The following CCDC102A variants were observed in gnomAD, a reference collection of about 807,000 sequenced individuals.
CCDC102A encodes the protein coiled-coil domain containing 102A, also known as coiled-coil domain-containing protein 102A.
CCDC102A carries 40 observed loss-of-function variants against 55.5 expected under a neutral mutation model. The ratio of observed to expected loss-of-function variants is 0.72; its 90% CI spans 0.56 to 0.94. The LOEUF (loss-of-function observed/expected upper bound fraction) is 0.94. Among genes scored for constraint, CCDC102A ranks in the 40% least tolerant of loss-of-function variants. The pLI is 0.00. For synonymous variants in CCDC102A, 323 were observed against 339.0 expected, an observed-to-expected ratio of 0.95 and a Z score of 0.52; for missense variants, 779 against 768.6, an observed-to-expected ratio of 1.01 and a Z score of -0.16.
chr16:57,523,127 C>A (rs1333569776), intron 3 of CCDC102A, among the ~76,000 whole-genome samples: 1 of 151,656 alleles, frequency 6.6e-6, no homozygotes, highest in Non-Finnish European at 1.5e-5. Flanking sequence ...GAGATAGAGC[C>A]GCTGTACCCC....
chr16:57,515,164 C>A (rs550817869), intron 8 of CCDC102A, among the ~76,000 whole-genome samples, 177 bp downstream of exon 8: 1 of 152,316 alleles, frequency 6.6e-6, no homozygotes, highest in African/African-American at 2.4e-5. Flanking sequence ...CCTGCACCCC[C>A]TGCCCTGGTT....
intron 1 of CCDC102A, among the ~76,000 whole-genome samples, chr16:57,532,698 G>GACACACAC (rs10535195): frequency 6.7e-6 from 1 of 148,176 alleles, no homozygotes; most frequent in Admixed American, 6.7e-5. Context: ...AAGTGAAGCA[G>GACACACAC]ACACACACAC....
At chr16:57,524,953 C>T (rs1321351309) in intron 3 of CCDC102A, among the ~76,000 whole-genome samples, 2 of 152,196 alleles carry the variant, frequency 1.3e-5, no homozygotes, top group Admixed American at 6.5e-5. Context: ...CGGCTCCCTT[C>T]TCTTGTCTCC....
Position 57,516,364 on chromosome 16 carries a change from C to T in CCDC102A, c.1348G>A (p.Glu450Lys), listed in dbSNP as rs757562487. The T allele has an allele frequency of 3.1e-6, 5 of 1,608,996 alleles. No homozygotes were observed. Among genetic ancestry groups the T allele is most frequent in the East Asian group, 2.2e-5 (1 of 44,892 alleles). ...AGCCGCAGCTTCTTCACCTCAGCCTCGTGCTGCTCCACCCGCCGGTTGGCA... is the reference window on the plus strand; with the variant it reads ...AGCCGCAGCTTCTTCACCTCAGCCTTGTGCTGCTCCACCCGCCGGTTGGCA... ...AHANRRVEQHEAEVKKLRLRV... is the reference protein window; with the variant it reads ...AHANRRVEQHKAEVKKLRLRV... The change falls in exon 7 of 9, where the codon GAG (glutamate) becomes AAG (lysine). Residue 450 changes from glutamate (E) to lysine (K), a missense_variant. Transcript: ENST00000258214. This position sits in a 1 kb window ranked among gnomAD's most constrained non-coding sequence, Gnocchi z 4.4.
intron 1 of CCDC102A, among the ~76,000 whole-genome samples, chr16:57,533,351 A>G (rs148855833): frequency 0.016 from 2,468 of 152,030 alleles, 28 homozygotes; most frequent in Middle Eastern, 0.051. Flanking sequence ...CACACCAGGA[A>G]TCCTGCACTC....
intron 2 of CCDC102A, among the ~76,000 whole-genome samples, chr16:57,527,402 G>GCAGCA (rs2032155269): frequency 6.7e-6 from 1 of 150,284 alleles, no homozygotes. Flanking sequence ...TCACCGGCTG[G>GCAGCA]CAGACATTGC....
intron 3 of CCDC102A, among the ~76,000 whole-genome samples, chr16:57,522,947 C>G (rs4416001): frequency 0.44 from 66,762 of 152,106 alleles, 17,248 homozygotes; most frequent in African/African-American, 0.73. Flanking sequence ...CAGGTGGGCT[C>G]CCTGAGCTCA....
rs2031960279 is a variant in CCDC102A at position 57,516,618 on chromosome 16, G to C, written c.1249-155C>G. 1 of 680,060 alleles carries C rather than the reference G, an allele frequency of 1.5e-6. No homozygotes were observed. Among genetic ancestry groups the C allele is most frequent in the Non-Finnish European group, 2.5e-6 (1 of 399,726 alleles). 42.1% of individuals were successfully genotyped at this position (680,060 alleles called of 1,614,324 possible). ...TCTGTTGTCTGAAGTATCAGCAGTAGAGGTTTGGCTGAGCAGCCAGAGGCT... is the reference window on the plus strand; with the variant it reads ...TCTGTTGTCTGAAGTATCAGCAGTACAGGTTTGGCTGAGCAGCCAGAGGCT... On this transcript the variant is annotated intron_variant, in intron 6 of 8. Coordinates refer to ENST00000258214, the MANE Select transcript of CCDC102A (RefSeq NM_033212.4). This position sits in a 1 kb window ranked among gnomAD's most constrained non-coding sequence, Gnocchi z 4.4.
At position 57,524,816 on chromosome 16, in the gene CCDC102A, TA is replaced by T. The variant is rs1214189495; in HGVS notation, c.812+1084del. 8.5e-5 allele frequency among the ~76,000 whole-genome samples: 13 copies of T among 152,356 alleles called. No homozygotes were observed. The South Asian group carries it at 2.7e-3, about 32-fold the overall frequency. ...TCATTATCATCAAGCTCGTGCCCTC[TA>T]AACTGCTCTGATCAAGGTCACTGGT... On this transcript the variant is annotated intron_variant, in intron 3 of 8. Coordinates refer to ENST00000258214, the MANE Select transcript of CCDC102A (RefSeq NM_033212.4).
intron 2 of CCDC102A, among the ~76,000 whole-genome samples, chr16:57,528,076 C>G (rs960558471): frequency 3.3e-5 from 5 of 152,234 alleles, no homozygotes; most frequent in Non-Finnish European, 5.9e-5. Flanking sequence ...GCCACAGCCT[C>G]CCAAGTAGCT....
At chr16:57,536,603 C>G (rs2146730927), upstream of CCDC102A, 1 of 152,218 alleles carries the variant, frequency 6.6e-6, no homozygotes, top group East Asian at 1.9e-4. Flanking sequence ...GGGAGGGCCG[C>G]GGAGTCTCCT....
Position 57,528,915 on chromosome 16 carries a change from G to C in CCDC102A, c.263C>G (p.Ala88Gly). The change falls in exon 2 of 9, where the codon GCG becomes GGG. Residue 88 changes from alanine (A) to glycine (G), a missense_variant. Transcript: ENST00000258214. Reference protein sequence around the residue: ...RELEEARARAAQMEKTMRRWS... With the variant: ...RELEEARARAGQMEKTMRRWS... ...CCGGCGCATGGTCTTCTCCATCTGCGCCGCCCGCGCCCGCGCCTCCTCCAG... is the reference window on the plus strand; with the variant it reads ...CCGGCGCATGGTCTTCTCCATCTGCCCCGCCCGCGCCCGCGCCTCCTCCAG... The C allele has an allele frequency of 7.1e-7, 1 of 1,402,784 alleles. No homozygotes were observed. The highest frequency in any genetic ancestry group is 9.3e-7 in the Non-Finnish European group (1 of 1,069,852). 86.9% of individuals were successfully genotyped at this position (1,402,784 alleles called of 1,614,324 possible). A position where few individuals can be genotyped will look rare whatever the true frequency, so the allele number is the denominator to read the frequency against.
Position 57,516,254 on chromosome 16 carries a change from C to A in CCDC102A, c.1419+39G>T. On this transcript the variant is annotated intron_variant, in intron 7 of 8. Transcript: ENST00000258214. The surrounding 1 kb of genome is among the most constrained non-coding windows in gnomAD (Gnocchi z 4.4). ...CCTGCGGCCCCCACTCCTCCCTGGCCAAGGTCTGTTGCTGCCCCTGCCCCT... is the reference window on the plus strand; with the variant it reads ...CCTGCGGCCCCCACTCCTCCCTGGCAAAGGTCTGTTGCTGCCCCTGCCCCT... The A allele has an allele frequency of 8.2e-6, 13 of 1,589,862 alleles. No homozygotes were observed. Among genetic ancestry groups the A allele is most frequent in the Non-Finnish European group, 1.1e-5 (13 of 1,172,106 alleles).
chr16:57,526,169 C>T, intron 2 of CCDC102A, 42 bp from the exon 3 acceptor site: 1 of 1,437,398 alleles, frequency 7.0e-7, no homozygotes, highest in East Asian at 2.5e-5. Flanking sequence ...GGCCGCCAAG[C>T]CAGGCCCTGG....
At position 57,516,030 on chromosome 16, in the gene CCDC102A, A is replaced by C. The variant is rs1261130069; in HGVS notation, c.1419+263T>G. Among the ~76,000 whole-genome samples the C allele has an allele frequency of 6.6e-6, 1 of 151,672 alleles. No homozygotes were observed. The highest frequency in any genetic ancestry group is 1.5e-5 in the Non-Finnish European group (1 of 67,926). ...CCCTGCCTCTCTCTCCCATTCATCCATCCATTCATTCCTTTACCCATTGGT... is the reference window on the plus strand; with the variant it reads ...CCCTGCCTCTCTCTCCCATTCATCCCTCCATTCATTCCTTTACCCATTGGT... On this transcript the variant is annotated intron_variant, in intron 7 of 8. Coordinates refer to ENST00000258214, the MANE Select transcript of CCDC102A (RefSeq NM_033212.4). This position sits in a 1 kb window ranked among gnomAD's most constrained non-coding sequence, Gnocchi z 4.4.
chr16:57,528,466 G>T (rs1348576361), intron 2 of CCDC102A, 127 bp downstream of exon 2: 12 of 644,954 alleles, frequency 1.9e-5, no homozygotes, highest in Middle Eastern at 3.5e-4. Flanking sequence ...GGTAGAACCC[G>T]ACCTGGAGAA....
At position 57,526,029 on chromosome 16, in the gene CCDC102A, G is replaced by C. The variant is rs185726595; in HGVS notation, c.684C>G (p.Ser228Arg). 7 of 1,600,324 alleles carry C rather than the reference G, an allele frequency of 4.4e-6. No individual in the cohort carries two copies. Among genetic ancestry groups the C allele is most frequent in the Non-Finnish European group, 6.0e-6 (7 of 1,175,046 alleles). Reference sequence around the variant, plus strand: ...GCCGGCTGCGCTCCTGGCGGCCTGAGCTGCCCCGCGGGCCCCCAGCCCCCA... The same window carrying C: ...GCCGGCTGCGCTCCTGGCGGCCTGACCTGCCCCGCGGGCCCCCAGCCCCCA... ...RSLGAGGPRGSSGRQERSRLP... is the reference protein window; with the variant it reads ...RSLGAGGPRGRSGRQERSRLP... The change falls in exon 3 of 9, where the codon AGC becomes AGG. Residue 228 changes from serine (S) to arginine (R), a missense_variant. Ser to Arg is a moderately radical substitution (Grantham distance 110). Coordinates refer to ENST00000258214, the MANE Select transcript of CCDC102A (RefSeq NM_033212.4).
chr16:57,533,883 C>A (rs1460548150), intron 1 of CCDC102A, among the ~76,000 whole-genome samples: 1 of 152,150 alleles, frequency 6.6e-6, no homozygotes, highest in Non-Finnish European at 1.5e-5. Flanking sequence ...TGCCCTCTTG[C>A]CATGGGGTGT....
chr16:57,529,766 C>T lies in CCDC102A; in HGVS notation c.-147-442G>A, dbSNP rs1358352488. On this transcript the variant is annotated intron_variant, in intron 1 of 8. Coordinates refer to ENST00000258214, the MANE Select transcript of CCDC102A (RefSeq NM_033212.4). This position sits in a 1 kb window ranked among gnomAD's most constrained non-coding sequence, Gnocchi z 4.1. ...GAAGCCCTCCTGGAGCACTTCAGGC[C>T]AGGTCCATCAGCCCCTTATGTGTCT... 6.6e-6 allele frequency among the ~76,000 whole-genome samples: 1 copy of T among 152,160 alleles called. No homozygotes were observed. Among genetic ancestry groups the T allele is most frequent in the African/African-American group, 2.4e-5 (1 of 41,422 alleles).
Sources: gnomAD v4.1 joint callset for allele counts (sites outside exome capture counted in the v4.1 genomes callset) on GRCh38, gnomAD v4.1.1 for gene constraint, Gnocchi (gnomAD v3.1) non-coding constraint, MANE v1.5 for transcripts, NCBI Gene and HGNC (gene_info 2026-07-23, HGNC 2026-07-21) for gene names.